GPC5: variants seen among roughly 807,000 people sequenced by gnomAD.
GPC5 encodes the protein glypican-5.
Under a neutral mutation model 53.9 loss-of-function variants are expected in GPC5, and 47 were observed. The ratio of observed to expected loss-of-function variants is 0.87; its 90% confidence interval spans 0.69 to 1.11. The LOEUF (loss-of-function observed/expected upper bound fraction) is 1.11. Ranked by LOEUF, GPC5 falls within the 50% of genes most tolerant of loss-of-function variation. The pLI, the probability that GPC5 is intolerant of heterozygous loss-of-function variation, is 0.00. For missense variants in GPC5, 748 were observed against 713.1 expected, an observed-to-expected ratio of 1.05 and a Z score of -0.56; for synonymous variants, 286 against 263.3, an observed-to-expected ratio of 1.09 and a Z score of -0.84.
intron 7 of GPC5, among the ~76,000 whole-genome samples, chr13:92,352,966 G>T (rs1194430327): frequency 6.6e-6 from 1 of 152,142 alleles, no homozygotes; most frequent in African/African-American, 2.4e-5. Flanking sequence ...AGAAACAATT[G>T]AAATGTGTAT....
chr13:92,783,349 TTGAC>T (rs776106830), intron 7 of GPC5, among the ~76,000 whole-genome samples: 1 of 152,198 alleles, frequency 6.6e-6, no homozygotes, highest in Non-Finnish European at 1.5e-5. Context: ...TTCACTTACA[TTGAC>T]TGACTGGATT....
intron 6 of GPC5, among the ~76,000 whole-genome samples, chr13:92,091,879 A>G (rs1239163752): frequency 1.3e-5 from 2 of 152,130 alleles, no homozygotes; most frequent in Non-Finnish European, 2.9e-5. Flanking sequence ...CCAAATACAT[A>G]CAGGCCATGA....
chr13:92,345,002 C>G (rs991291920), intron 7 of GPC5, among the ~76,000 whole-genome samples: 5 of 152,106 alleles, frequency 3.3e-5, no homozygotes, highest in African/African-American at 1.2e-4. Context: ...CTGATTTCCT[C>G]AGAAACACAA....
At chr13:91,882,670 G>GTTTTTTTTTTTTTTTTTTTT in intron 5 of GPC5, among the ~76,000 whole-genome samples, 27 of 59,320 alleles carry the variant, frequency 4.6e-4, no homozygotes, top group East Asian at 1.5e-3. Flanking sequence ...TGTTTTTTGG[G>GTTTTTTTTTTTTTTTTTTTT]TTTTTTTTTT....
chr13:91,463,446 G>A (rs942928275), intron 2 of GPC5, among the ~76,000 whole-genome samples: 1 of 152,072 alleles, frequency 6.6e-6, no homozygotes, highest in African/African-American at 2.4e-5. Flanking sequence ...TGTAGTGTTT[G>A]TTCAAGTCAA....
chr13:92,822,921 A>G (rs1877722400), intron 7 of GPC5, among the ~76,000 whole-genome samples: 1 of 152,058 alleles, frequency 6.6e-6, no homozygotes. Context: ...ATTAAAAAGC[A>G]TTACTTGAAG....
At position 92,170,188 on chromosome 13, in the gene GPC5, A is replaced by G. The variant is rs866992653; in HGVS notation, c.1561+25199A>G. Reference sequence around the variant, plus strand: ...AAAAAAAACCTTAAGATTTTCTTCAATGAGGGTTACTCTAGTTTCTATGTT... The same window carrying G: ...AAAAAAAACCTTAAGATTTTCTTCAGTGAGGGTTACTCTAGTTTCTATGTT... On this transcript the variant is annotated intron_variant, in intron 7 of 7. Transcript: ENST00000377067. Among the ~76,000 whole-genome samples the G allele has an allele frequency of 1.4e-4, 22 of 151,946 alleles. No individual in the cohort carries two copies. In the Middle Eastern group the frequency reaches 0.01, roughly 70 times the overall value.
At chr13:91,828,806 T>A (rs1296069291) in intron 5 of GPC5, among the ~76,000 whole-genome samples, 1 of 151,448 alleles carries the variant, frequency 6.6e-6, no homozygotes, top group Non-Finnish European at 1.5e-5. Context: ...AGGAAATGAA[T>A]CAATGAGAGA....
At chr13:92,746,518 C>A (rs1441358484) in intron 7 of GPC5, among the ~76,000 whole-genome samples, 3 of 152,024 alleles carry the variant, frequency 2.0e-5, no homozygotes, top group Admixed American at 6.6e-5. Context: ...CCTCTCAATG[C>A]AAAGGAATTA....
intron 7 of GPC5, among the ~76,000 whole-genome samples, chr13:92,613,381 T>A (rs1403419419): frequency 3.8e-4 from 24 of 63,932 alleles, no homozygotes; most frequent in South Asian, 8.6e-4. Context: ...ATAAATATAT[T>A]ATATTATATA....
At chr13:92,041,009 C>A (rs1380765233) in intron 6 of GPC5, among the ~76,000 whole-genome samples, 3 of 152,112 alleles carry the variant, frequency 2.0e-5, no homozygotes, top group Non-Finnish European at 2.9e-5. Context: ...TGCCACCACA[C>A]CCGGATAATT....
At chr13:92,113,854 C>G (rs1455063565) in intron 6 of GPC5, among the ~76,000 whole-genome samples, 1 of 151,490 alleles carries the variant, frequency 6.6e-6, no homozygotes. Flanking sequence ...GCCACTTGCC[C>G]AAAGAAAGAA....
intron 7 of GPC5, among the ~76,000 whole-genome samples, chr13:92,749,453 T>A (rs1889324070): frequency 1.3e-5 from 2 of 152,160 alleles, no homozygotes; most frequent in African/African-American, 4.8e-5. Context: ...AAGTATGCTA[T>A]TTTATGTTTC....
chr13:92,443,841 A>G (rs1266482796), intron 7 of GPC5, among the ~76,000 whole-genome samples: 1 of 152,232 alleles, frequency 6.6e-6, no homozygotes, highest in African/African-American at 2.4e-5. Context: ...GCAAAAAAGT[A>G]GCAGCACATC....
chr13:92,521,439 A>G (rs2138969355), intron 7 of GPC5, among the ~76,000 whole-genome samples: 1 of 152,298 alleles, frequency 6.6e-6, no homozygotes, highest in Middle Eastern at 3.4e-3. Flanking sequence ...ACATAGACCA[A>G]TGGAACAGAA....
At chr13:92,385,463 CATATATACATATATACAT>C (rs1566567610) in intron 7 of GPC5, among the ~76,000 whole-genome samples, 8 of 115,908 alleles carry the variant, frequency 6.9e-5, no homozygotes, top group African/African-American at 2.3e-4. Flanking sequence ...CATATATACA[CATATATACATATATACAT>C]ATATACACAT....
intron 7 of GPC5, among the ~76,000 whole-genome samples, chr13:92,713,663 A>G (rs1288339837): frequency 6.6e-6 from 1 of 151,972 alleles, no homozygotes; most frequent in Non-Finnish European, 1.5e-5. Context: ...CCAAGTTAAA[A>G]CAATGAGATG....
At chr13:92,723,468 G>C (rs964289849) in intron 7 of GPC5, among the ~76,000 whole-genome samples, 1 of 143,406 alleles carries the variant, frequency 7.0e-6, no homozygotes, top group African/African-American at 2.6e-5. Flanking sequence ...AAATGGCCAT[G>C]TTTGACTTTA....
chr13:92,663,874 A>C (rs1594397998), intron 7 of GPC5, among the ~76,000 whole-genome samples: 1 of 38,472 alleles, frequency 2.6e-5, no homozygotes, highest in Non-Finnish European at 4.7e-5. Flanking sequence ...ATATATATAT[A>C]TATATATATA....
Sources: allele counts gnomAD v4.1 joint callset (sites outside exome capture counted in the v4.1 genomes callset), GRCh38; gene constraint gnomAD v4.1.1; transcripts MANE v1.5; gene names NCBI Gene and HGNC (gene_info 2026-07-23, HGNC 2026-07-21).